The following PTGER3 variants were observed in gnomAD, a reference collection of about 807,000 sequenced individuals.
The protein encoded by PTGER3 is prostaglandin E2 receptor EP3 subtype.
In PTGER3, 22 loss-of-function variants were observed where a neutral mutation model predicts 34.7. The observed-to-expected ratio is 0.63, with a 90% CI of 0.45 to 0.91. The LOEUF is 0.91. Among genes scored for constraint, PTGER3 ranks in the 40% least tolerant of loss-of-function variants. PTGER3 has a pLI of 0.00. For missense variants in PTGER3, 468 were observed against 519.4 expected, an observed-to-expected ratio of 0.90 and a Z score of 0.96; for synonymous variants, 241 against 230.1, an observed-to-expected ratio of 1.05 and a Z score of -0.43.
intron 1 of PTGER3, among the ~76,000 whole-genome samples, chr1:71,046,129 A>T (rs1007850565): frequency 2.0e-4 from 30 of 151,550 alleles, no homozygotes; most frequent in African/African-American, 5.8e-4. Flanking sequence ...AAAATAAAAA[A>T]AAAAAATTAG....
chr1:70,864,053 A>G (rs1373865903), intron 4 of PTGER3, among the ~76,000 whole-genome samples: 1 of 152,172 alleles, frequency 6.6e-6, no homozygotes, highest in African/African-American at 2.4e-5. Context: ...AGTTGTAGCA[A>G]TAATCCAGAC....
At chr1:71,006,201 T>C (rs148225899) in intron 2 of PTGER3, 1 of 985,322 alleles carries the variant, frequency 1.0e-6, no homozygotes, top group Non-Finnish European at 1.2e-6. Context: ...GTAGAGACAA[T>C]AAGATCTGGT....
At chr1:71,005,173 A>G (rs745353998) in intron 2 of PTGER3, among the ~76,000 whole-genome samples, 3 of 152,172 alleles carry the variant, frequency 2.0e-5, no homozygotes, top group Non-Finnish European at 2.9e-5. Context: ...CACAACAAAG[A>G]ATTACCTGTC....
intron 2 of PTGER3, among the ~76,000 whole-genome samples, chr1:70,989,793 C>G (rs1422473813): frequency 6.6e-6 from 1 of 152,000 alleles, no homozygotes; most frequent in African/African-American, 2.4e-5. Context: ...ATAGTATTGG[C>G]CAGTTATCAA....
rs767975894 is a variant in PTGER3, at chr1:70,922,628, C to CA, written c.*23+31134dup. 1.7e-3 allele frequency among the ~76,000 whole-genome samples: 251 copies of CA among 145,358 alleles called. 2 individuals are homozygous for CA. In the East Asian group the frequency reaches 0.018, roughly 10 times the overall value. ...ATCCCTTACTTACCAAGGCTTTCAC[C>CA]AAAAAAAAAAGTTGCTAAGAGTTAA... On this transcript the variant is annotated intron_variant, in intron 4 of 4. Coordinates refer to the PTGER3 transcript ENST00000370931.
intron 2 of PTGER3, among the ~76,000 whole-genome samples, chr1:70,994,408 G>C (rs1411931691): frequency 6.6e-6 from 1 of 152,036 alleles, no homozygotes; most frequent in African/African-American, 2.4e-5. Flanking sequence ...AACTATTTAC[G>C]GAAACATGTA....
At position 71,012,311 on chromosome 1, in the gene PTGER3, A is replaced by G. The variant is rs751074438; in HGVS notation, c.1071T>C (p.Phe357=). Residue 357 remains phenylalanine (F), a synonymous_variant, in exon 2 of 4, where the codon TTT becomes TTC. Coordinates refer to ENST00000306666, the MANE Select transcript of PTGER3 (RefSeq NM_198719.2). ...LLLRKILLRK[F]CQIRYHTNNY... ...TGGAGACAGCATTTGCTACCTGGCA[A>G]AACTTTCGAAGAAGGATCTTTCTTA... The G allele has an allele frequency of 6.2e-7, 1 of 1,614,172 alleles. No individual in the cohort carries two copies. Among genetic ancestry groups the G allele is most frequent in the Non-Finnish European group, 8.5e-7 (1 of 1,180,038 alleles).
At chr1:70,976,754 T>C (rs1653747369) in intron 2 of PTGER3, among the ~76,000 whole-genome samples, 1 of 152,154 alleles carries the variant, frequency 6.6e-6, no homozygotes. Flanking sequence ...AACCCTTTAA[T>C]ACACTGATCT....
chr1:70,869,133 A>T (rs1572501824), intron 4 of PTGER3: 1 of 359,092 alleles, frequency 2.8e-6, no homozygotes, highest in East Asian at 7.9e-5. Context: ...CGGAAGGCAA[A>T]ACAGAAGGCA....
chr1:71,000,472 C>T (rs1313017967), intron 2 of PTGER3, among the ~76,000 whole-genome samples: 3 of 152,192 alleles, frequency 2.0e-5, no homozygotes, highest in African/African-American at 7.2e-5. Flanking sequence ...AAAGCATTCT[C>T]TTTCCATTTC....
At chr1:70,995,801 C>T (rs905767882) in intron 2 of PTGER3, among the ~76,000 whole-genome samples, 1 of 152,138 alleles carries the variant, frequency 6.6e-6, no homozygotes, top group Non-Finnish European at 1.5e-5. Flanking sequence ...ACATTTATCA[C>T]TATTCAACTA....
chr1:70,917,956 T>TGTCAGGTGTATAGTTTGCAA, intron 4 of PTGER3, among the ~76,000 whole-genome samples: 1 of 152,088 alleles, frequency 6.6e-6, no homozygotes, highest in African/African-American at 2.4e-5. Flanking sequence ...ATTAATGCCT[T>TGTCAGGTGTATAGTTTGCAA]GTCAGGTGTA....
chr1:71,012,605 T>A, intron 1 of PTGER3, 121 bp from the exon 2 acceptor site: 1 of 797,688 alleles, frequency 1.3e-6, no homozygotes, highest in Admixed American at 2.7e-5. Flanking sequence ...AATGATTAAT[T>A]CAAGCAACAT....
rs191719997 is a variant in PTGER3 at position 70,932,201 on chromosome 1, T to A, written c.*23+21562A>T. ...GTTCCCAACAAGTTCCTCATCTCCATCTGAGACCACATCAGCCAGGACCTT... is the reference window on the plus strand; with the variant it reads ...GTTCCCAACAAGTTCCTCATCTCCAACTGAGACCACATCAGCCAGGACCTT... On this transcript the variant is annotated intron_variant, in intron 4 of 4. Transcript: ENST00000370931. 1.8e-4 allele frequency among the ~76,000 whole-genome samples: 27 copies of A among 152,278 alleles called. No individual in the cohort carries two copies. The East Asian group carries it at 5.0e-3, about 28-fold the overall frequency.
intron 2 of PTGER3, among the ~76,000 whole-genome samples, chr1:70,978,364 C>T (rs1653910623): frequency 6.6e-6 from 1 of 152,140 alleles, no homozygotes; most frequent in Non-Finnish European, 1.5e-5. Flanking sequence ...CTGGAATGAA[C>T]ACATTATTCT....
chr1:70,955,465 G>C (rs1276911679), intron 2 of PTGER3, among the ~76,000 whole-genome samples: 1 of 152,104 alleles, frequency 6.6e-6, no homozygotes, highest in Admixed American at 6.6e-5. Context: ...TATTCAAAGA[G>C]AGAAAGCGAG....
At chr1:70,933,067 T>G (rs568432396) in intron 4 of PTGER3, among the ~76,000 whole-genome samples, 1 of 152,290 alleles carries the variant, frequency 6.6e-6, no homozygotes, top group Non-Finnish European at 1.5e-5. Context: ...TATACCTGTC[T>G]CTTCTATAAC....
At chr1:70,876,669 G>A (rs1038539539) in intron 4 of PTGER3, among the ~76,000 whole-genome samples, 15 of 151,868 alleles carry the variant, frequency 9.9e-5, no homozygotes, top group South Asian at 4.2e-4. Flanking sequence ...AATCATCTGC[G>A]TATGGCCAGC....
chr1:71,012,565 T>C (rs575989950), intron 1 of PTGER3, 81 bp from the exon 2 acceptor site: 2 of 1,248,954 alleles, frequency 1.6e-6, no homozygotes, highest in East Asian at 2.4e-5. Context: ...TGCACATAGT[T>C]GGTTTTCAAT....
Sources: allele counts gnomAD v4.1 joint callset (sites outside exome capture counted in the v4.1 genomes callset), GRCh38; gene constraint gnomAD v4.1.1; transcripts MANE v1.5; gene names NCBI Gene and HGNC (gene_info 2026-07-23, HGNC 2026-07-21).